Variants in CPQ observed in about 807,000 individuals in gnomAD.
CPQ encodes carboxypeptidase Q, also known as Ser-Met dipeptidase.
Under a neutral mutation model 45.7 loss-of-function variants are expected in CPQ, and 37 were observed. The observed-to-expected ratio is 0.81, with a 90% CI of 0.62 to 1.07. CPQ has a LOEUF of 1.07. CPQ is among the 50% of genes least tolerant of loss of function. CPQ has a pLI of 0.00. For synonymous variants in CPQ, 186 were observed against 205.8 expected (o/e 0.90, Z 0.82); for missense variants, 537 against 572.9 (o/e 0.94, Z 0.64).
intron 1 of CPQ, among the ~76,000 whole-genome samples, chr8:96,696,528 G>A (rs1022449126): frequency 1.3e-5 from 2 of 151,626 alleles, no homozygotes; most frequent in African/African-American, 2.4e-5. Context: ...AAAGATCAGA[G>A]CAGAAATAAA....
At chr8:97,115,682 G>A (rs1048650108) in intron 7 of CPQ, among the ~76,000 whole-genome samples, 3 of 152,188 alleles carry the variant, frequency 2.0e-5, no homozygotes, top group South Asian at 2.1e-4. Flanking sequence ...TGGGTACAGC[G>A]TGTGCTAAGC....
chr8:96,702,174 T>C (rs924446504), intron 1 of CPQ, among the ~76,000 whole-genome samples: 4 of 152,218 alleles, frequency 2.6e-5, no homozygotes, highest in African/African-American at 9.6e-5. Flanking sequence ...TCTTTGGCAG[T>C]AGCCAGTTGG....
intron 4 of CPQ, among the ~76,000 whole-genome samples, chr8:96,954,108 C>T (rs182015509): frequency 1.1e-3 from 172 of 152,240 alleles, no homozygotes; most frequent in Non-Finnish European, 1.4e-3. Flanking sequence ...TACTTTGATG[C>T]TTGTATTTCC....
intron 6 of CPQ, among the ~76,000 whole-genome samples, chr8:97,039,277 A>C (rs1810065622): frequency 6.6e-6 from 1 of 152,248 alleles, no homozygotes; most frequent in African/African-American, 2.4e-5. Flanking sequence ...TATATTTTAA[A>C]GGATATCTAT....
intron 3 of CPQ, among the ~76,000 whole-genome samples, chr8:96,854,938 A>G (rs1425727801): frequency 2.6e-5 from 4 of 152,178 alleles, no homozygotes; most frequent in Non-Finnish European, 5.9e-5. Flanking sequence ...CACTTTCCAG[A>G]AAGGGAACCA....
At chr8:96,936,700 T>C (rs1410621600) in intron 4 of CPQ, among the ~76,000 whole-genome samples, 1 of 152,118 alleles carries the variant, frequency 6.6e-6, no homozygotes, top group Non-Finnish European at 1.5e-5. Flanking sequence ...TTTAGAAACA[T>C]CAGAAGTTTG....
intron 5 of CPQ, among the ~76,000 whole-genome samples, chr8:96,998,111 C>T (rs1809207365): frequency 6.6e-6 from 1 of 151,936 alleles, no homozygotes; most frequent in Admixed American, 6.6e-5. Context: ...CCACGCCATG[C>T]TACTCTCATC....
At chr8:97,054,103 A>G (rs1352332239) in intron 6 of CPQ, among the ~76,000 whole-genome samples, 3 of 152,148 alleles carry the variant, frequency 2.0e-5, no homozygotes, top group Admixed American at 2.0e-4. Flanking sequence ...TTTGGTAAAA[A>G]GTATAGAGTT....
intron 7 of CPQ, among the ~76,000 whole-genome samples, chr8:97,123,090 TAAAA>T (rs1235208915): frequency 3.8e-5 from 2 of 52,286 alleles, no homozygotes; most frequent in Non-Finnish European, 8.4e-5. Context: ...ATAAATAAAA[TAAAA>T]TAAAATAAAT....
At chr8:97,003,682 G>A (rs1422147606) in intron 5 of CPQ, among the ~76,000 whole-genome samples, 1 of 152,270 alleles carries the variant, frequency 6.6e-6, no homozygotes, top group Non-Finnish European at 1.5e-5. Context: ...AAGGGTCTAA[G>A]ATAAGCATAG....
chr8:96,955,767 A>G (rs994647964), intron 4 of CPQ, among the ~76,000 whole-genome samples: 2 of 152,212 alleles, frequency 1.3e-5, no homozygotes, highest in Non-Finnish European at 2.9e-5. Context: ...AAAACAAGAC[A>G]TGGGGAAAGG....
chr8:96,991,478 C>T (rs1479886298), intron 5 of CPQ, among the ~76,000 whole-genome samples: 1 of 151,654 alleles, frequency 6.6e-6, no homozygotes, highest in East Asian at 1.9e-4. Flanking sequence ...ATCACTTGAA[C>T]CTGGGAGGCA....
At chr8:97,069,087 A>G (rs1810690856) in intron 7 of CPQ, among the ~76,000 whole-genome samples, 1 of 152,228 alleles carries the variant, frequency 6.6e-6, no homozygotes, top group Admixed American at 6.5e-5. Context: ...ATCTTCTCAC[A>G]TTCTTTGTTC....
intron 5 of CPQ, among the ~76,000 whole-genome samples, chr8:96,976,384 C>A (rs1813786234): frequency 6.6e-6 from 1 of 151,754 alleles, no homozygotes; most frequent in African/African-American, 2.4e-5. Context: ...ATCCCATGCT[C>A]ATGGATGGGT....
chr8:96,744,562 C>T (rs1294335122), intron 1 of CPQ, among the ~76,000 whole-genome samples: 1 of 152,168 alleles, frequency 6.6e-6, no homozygotes, highest in Non-Finnish European at 1.5e-5. Context: ...TTTATGTAGT[C>T]ATCTTTTTTT....
chr8:96,861,009 G>A (rs533183077), intron 3 of CPQ, among the ~76,000 whole-genome samples: 1 of 152,158 alleles, frequency 6.6e-6, no homozygotes, highest in East Asian at 1.9e-4. Context: ...ACGGAGGAAG[G>A]GTCAGAAATA....
At chr8:96,785,651 A>T (rs1011902227) in intron 2 of CPQ, among the ~76,000 whole-genome samples, 3 of 152,172 alleles carry the variant, frequency 2.0e-5, no homozygotes, top group African/African-American at 7.2e-5. Flanking sequence ...CATAAACAGG[A>T]TACAAAAACG....
chr8:96,783,260 A>AGTGTGTGTGT (rs71267280), intron 1 of CPQ, among the ~76,000 whole-genome samples: 27 of 147,980 alleles, frequency 1.8e-4, no homozygotes, highest in African/African-American at 5.5e-4. Flanking sequence ...TAGTTGTGTG[A>AGTGTGTGTGT]GTGTGTGTGT....
At chr8:96,833,195 G>C (rs1300018813) in intron 2 of CPQ, among the ~76,000 whole-genome samples, 1 of 152,144 alleles carries the variant, frequency 6.6e-6, no homozygotes, top group Non-Finnish European at 1.5e-5. Context: ...CAAGTTCACA[G>C]TGATAGGTTT....
Sources: gnomAD v4.1 joint callset for allele counts (sites outside exome capture counted in the v4.1 genomes callset) on GRCh38, gnomAD v4.1.1 for gene constraint, MANE v1.5 for transcripts, NCBI Gene and HGNC (gene_info 2026-07-23, HGNC 2026-07-21) for gene names.